The following WWOX variants were observed in gnomAD, a reference collection of about 807,000 sequenced individuals.
WWOX encodes WW domain containing oxidoreductase, also known as WW domain-containing oxidoreductase.
A neutral mutation model predicts 46.2 loss-of-function variants in WWOX; 69 were observed. The observed-to-expected ratio is 1.49, with a 90% CI of 1.23 to 1.82. The LOEUF (loss-of-function observed/expected upper bound fraction) is 1.82. Ranked by LOEUF, WWOX falls within the 40% of genes most tolerant of loss-of-function variation. The pLI is 0.00. For synonymous variants in WWOX, 359 were observed against 202.6 expected (o/e 1.77, Z -6.56); for missense variants, 919 against 542.6 (o/e 1.69, Z -6.89).
chr16:78,902,632 CT>C (rs1308353708), intron 8 of WWOX, among the ~76,000 whole-genome samples: 4 of 152,220 alleles, frequency 2.6e-5, no homozygotes, highest in Non-Finnish European at 5.9e-5. Flanking sequence ...GGCTGCAACG[CT>C]TTTACCATGG....
chr16:78,448,821 C>T (rs1481735057), intron 8 of WWOX, among the ~76,000 whole-genome samples: 1 of 152,150 alleles, frequency 6.6e-6, no homozygotes, highest in East Asian at 1.9e-4. Flanking sequence ...ATGGCTGCTT[C>T]TGATCATTGT....
At chr16:78,522,278 A>AT in intron 8 of WWOX, among the ~76,000 whole-genome samples, 1 of 152,302 alleles carries the variant, frequency 6.6e-6, no homozygotes, top group South Asian at 2.1e-4. Context: ...TAAAAAAAAA[A>AT]ACTAGTGAAA....
intron 8 of WWOX, among the ~76,000 whole-genome samples, chr16:78,650,718 C>T (rs2046947990): frequency 6.6e-6 from 1 of 152,308 alleles, no homozygotes; most frequent in African/African-American, 2.4e-5. Flanking sequence ...ATTCCATTCA[C>T]AGTAAATTTT....
chr16:78,483,375 AT>A (rs11335355), intron 8 of WWOX, among the ~76,000 whole-genome samples: 31,118 of 135,118 alleles, frequency 0.23, 3,785 homozygotes, highest in African/African-American at 0.36. Context: ...GACATGGAAG[AT>A]TTTTTTTTTT....
chr16:78,304,075 T>C lies in WWOX; in HGVS notation c.517-82785T>C, dbSNP rs2080090653. On this transcript the variant is annotated intron_variant, in intron 5 of 8. Coordinates refer to ENST00000566780, the MANE Select transcript of WWOX (RefSeq NM_016373.4). ...TACTTATTTTTCCTCTTCTGAACAT[T>C]TGGAAACATAGCTTCGGTGCTCCTT... Among the ~76,000 whole-genome samples the C allele has an allele frequency of 3.9e-5, 6 of 152,220 alleles. No individual in the cohort carries two copies. In the South Asian group the frequency reaches 1.2e-3, roughly 32 times the overall value.
At chr16:78,455,501 T>C (rs1163401143) in intron 8 of WWOX, among the ~76,000 whole-genome samples, 1 of 150,372 alleles carries the variant, frequency 6.7e-6, no homozygotes, top group Non-Finnish European at 1.5e-5. Flanking sequence ...ATTAGCTGGG[T>C]GTGTGGTAGT....
chr16:79,102,497 A>G (rs1234465962), intron 8 of WWOX, among the ~76,000 whole-genome samples: 2 of 152,224 alleles, frequency 1.3e-5, no homozygotes, highest in African/African-American at 4.8e-5. Flanking sequence ...CGCATTTACC[A>G]AACATCATGC....
chr16:78,943,615 T>C (rs1223865675), intron 8 of WWOX, among the ~76,000 whole-genome samples: 1 of 152,148 alleles, frequency 6.6e-6, no homozygotes, highest in Non-Finnish European at 1.5e-5. Flanking sequence ...ATGGCTCCAC[T>C]CTGTGTGGCC....
At chr16:79,111,798 C>T (rs1205230767) in intron 8 of WWOX, among the ~76,000 whole-genome samples, 4 of 152,188 alleles carry the variant, frequency 2.6e-5, no homozygotes, top group South Asian at 2.1e-4. Context: ...ATTTATAGAC[C>T]ACACCATCCC....
At chr16:78,949,374 C>T (rs2046012737) in intron 8 of WWOX, among the ~76,000 whole-genome samples, 1 of 152,134 alleles carries the variant, frequency 6.6e-6, no homozygotes, top group African/African-American at 2.4e-5. Flanking sequence ...TGTCATGGGG[C>T]CTTCCACAGG....
intron 8 of WWOX, among the ~76,000 whole-genome samples, chr16:79,104,230 A>T (rs1298833997): frequency 6.6e-6 from 1 of 152,190 alleles, no homozygotes; most frequent in African/African-American, 2.4e-5. Context: ...AAAATGTGGT[A>T]ACATAGGGTT....
chr16:78,936,634 A>T (rs1433678075), intron 8 of WWOX, among the ~76,000 whole-genome samples: 1 of 152,140 alleles, frequency 6.6e-6, no homozygotes, highest in Non-Finnish European at 1.5e-5. Context: ...GGGTTTTGGA[A>T]CATGTCTTGA....
intron 8 of WWOX, among the ~76,000 whole-genome samples, chr16:78,710,473 CATAT>C (rs544025863): frequency 0.035 from 2,207 of 63,610 alleles, 162 homozygotes; most frequent in African/African-American, 0.07. Context: ...TAATGGATCT[CATAT>C]ATATATATAT....
chr16:78,216,931 G>T (rs9934402), intron 5 of WWOX, among the ~76,000 whole-genome samples: 1 of 152,044 alleles, frequency 6.6e-6, no homozygotes, highest in African/African-American at 2.4e-5. Context: ...CCATGTTGGC[G>T]AGGCTGGTCT....
chr16:78,852,216 C>G (rs952356060), intron 8 of WWOX, among the ~76,000 whole-genome samples: 3 of 152,192 alleles, frequency 2.0e-5, no homozygotes, highest in Non-Finnish European at 2.9e-5. Flanking sequence ...AAGATGGCCT[C>G]TAGTGACCCT....
At chr16:78,940,674 CTT>C (rs61366482) in intron 8 of WWOX, among the ~76,000 whole-genome samples, 3 of 138,636 alleles carry the variant, frequency 2.2e-5, no homozygotes, top group Admixed American at 1.4e-4. Flanking sequence ...CTTAGGTTAA[CTT>C]TTTTTTTTTT....
intron 8 of WWOX, among the ~76,000 whole-genome samples, chr16:79,064,536 A>G (rs2150554319): frequency 6.6e-6 from 1 of 152,360 alleles, no homozygotes; most frequent in South Asian, 2.1e-4. Flanking sequence ...CACCTGGAGC[A>G]TCTTCAGGAG....
chr16:78,842,613 C>T lies in WWOX; in HGVS notation c.1057-368995C>T, dbSNP rs148972535. Reference sequence around the variant, plus strand: ...GCATGCTGGCTCATGCCTGTAATCCCAGCACTTTGGGAGGTCAAGGCGGAT... The same window carrying T: ...GCATGCTGGCTCATGCCTGTAATCCTAGCACTTTGGGAGGTCAAGGCGGAT... On this transcript the variant is annotated intron_variant, in intron 8 of 8. Coordinates refer to ENST00000566780, the MANE Select transcript of WWOX (RefSeq NM_016373.4). Among the ~76,000 whole-genome samples, 502 of 152,264 alleles carry T rather than the reference C, an allele frequency of 3.3e-3. 4 individuals are homozygous for T. Among genetic ancestry groups the T allele is most frequent in the African/African-American group, 9.6e-3 (397 of 41,550 alleles).
At chr16:79,136,390 C>T (rs536096053) in intron 8 of WWOX, among the ~76,000 whole-genome samples, 8 of 152,200 alleles carry the variant, frequency 5.3e-5, no homozygotes, top group Admixed American at 1.3e-4. Flanking sequence ...ACCATCACAC[C>T]CAGCTAATTT....
Sources: gnomAD v4.1 joint callset for allele counts (sites outside exome capture counted in the v4.1 genomes callset) on GRCh38, gnomAD v4.1.1 for gene constraint, MANE v1.5 for transcripts, NCBI Gene and HGNC (gene_info 2026-07-23, HGNC 2026-07-21) for gene names.